TRAPPC12: variants seen among roughly 807,000 people sequenced by gnomAD.
TRAPPC12 encodes TPR repeat protein 15.
Under a neutral mutation model 69.2 loss-of-function variants are expected in TRAPPC12, and 61 were observed. That is an observed-to-expected ratio of 0.88 (90% CI 0.72 to 1.09). The LOEUF (loss-of-function observed/expected upper bound fraction) is 1.09. TRAPPC12 is among the 50% of genes least tolerant of loss of function. TRAPPC12 has a pLI of 0.00. For missense variants in TRAPPC12, 1,101 were observed against 1,016.4 expected, an observed-to-expected ratio of 1.08 and a Z score of -1.13; for synonymous variants, 469 against 438.9, an observed-to-expected ratio of 1.07 and a Z score of -0.86.
At position 3,457,711 on chromosome 2, in the gene TRAPPC12, T is replaced by G; in HGVS notation, c.1603+18T>G. 6 of 1,608,100 alleles carry G rather than the reference T, an allele frequency of 3.7e-6. No individual in the cohort carries two copies. The highest frequency in any genetic ancestry group is 5.1e-6 in the Non-Finnish European group (6 of 1,179,884). ...CAGACAAGGTGGGTCGGCCGGACTTTGCTGACTAGATGCTTCTCGGACATC... is the reference window on the plus strand; with the variant it reads ...CAGACAAGGTGGGTCGGCCGGACTTGGCTGACTAGATGCTTCTCGGACATC... On this transcript the variant is annotated intron_variant, in intron 7 of 11. Transcript: ENST00000324266.
chr2:3,400,827 T>C (rs76661877), intron 2 of TRAPPC12, among the ~76,000 whole-genome samples: 1,986 of 152,326 alleles, frequency 0.013, 25 homozygotes, highest in Middle Eastern at 0.068. Flanking sequence ...CCGAGGGTCA[T>C]GAAGGCTGGC....
Position 3,464,421 on chromosome 2 carries a change from T to C in TRAPPC12, c.1678-1176T>C, listed in dbSNP as rs138199871. Among the ~76,000 whole-genome samples the C allele has an allele frequency of 4.9e-3, 748 of 152,344 alleles. 5 individuals are homozygous for C. The highest frequency in any genetic ancestry group is 0.017 in the African/African-American group (720 of 41,580). On this transcript the variant is annotated intron_variant, in intron 8 of 11. Coordinates refer to ENST00000324266, the MANE Select transcript of TRAPPC12 (RefSeq NM_016030.6). Reference sequence around the variant, plus strand: ...AACTGGAATTGTACTTGTCTGTCTTTCTTTGTAACATCCCAATTAGCAAGC... The same window carrying C: ...AACTGGAATTGTACTTGTCTGTCTTCCTTTGTAACATCCCAATTAGCAAGC...
At chr2:3,457,518 T>G (rs937866453) in intron 6 of TRAPPC12, 103 bp from the exon 7 acceptor site, 6 of 849,396 alleles carry the variant, frequency 7.1e-6, no homozygotes, top group Non-Finnish European at 1.2e-5. Context: ...TGACAAATTG[T>G]TTTCATCCAG....
At chr2:3,474,438 T>C (rs1054011411) in intron 9 of TRAPPC12, among the ~76,000 whole-genome samples, 1 of 152,186 alleles carries the variant, frequency 6.6e-6, no homozygotes, top group African/African-American at 2.4e-5. Flanking sequence ...TCATCTCCTT[T>C]GGCAACACCC....
chr2:3,421,566 A>T, intron 3 of TRAPPC12: 2 of 556,648 alleles, frequency 3.6e-6, no homozygotes, highest in Non-Finnish European at 6.9e-6. Flanking sequence ...ATAGATTGAG[A>T]GATGTGCGGA....
At chr2:3,466,388 C>T (rs149132262) in intron 9 of TRAPPC12, 2 of 471,138 alleles carry the variant, frequency 4.2e-6, no homozygotes, top group South Asian at 1.5e-5. Flanking sequence ...CAGGCACCCA[C>T]TCACGGTGAG....
Position 3,479,490 on chromosome 2 carries a change from C to T in TRAPPC12, c.*29C>T. 2 of 1,608,384 alleles carry T rather than the reference C, an allele frequency of 1.2e-6. No individual in the cohort carries two copies. The highest frequency in any genetic ancestry group is 1.7e-6 in the Non-Finnish European group (2 of 1,176,980). ...CCTCCAACACACTACGTCAGAAGGACCCGGGTCTTTGAAACTGTGTCTTGA... is the reference window on the plus strand; with the variant it reads ...CCTCCAACACACTACGTCAGAAGGATCCGGGTCTTTGAAACTGTGTCTTGA... On this transcript the variant is annotated 3_prime_UTR_variant, in exon 12 of 12. Coordinates refer to ENST00000324266, the MANE Select transcript of TRAPPC12 (RefSeq NM_016030.6).
At chr2:3,397,910 A>G (rs561031051) in intron 2 of TRAPPC12, among the ~76,000 whole-genome samples, 198 of 152,244 alleles carry the variant, frequency 1.3e-3, no homozygotes, top group African/African-American at 4.5e-3. Context: ...TCCTCCTGCA[A>G]TGTGGTCCAA....
chr2:3,433,483 C>T (rs796133986), intron 5 of TRAPPC12, among the ~76,000 whole-genome samples: 22 of 152,302 alleles, frequency 1.4e-4, no homozygotes, highest in African/African-American at 5.1e-4. Flanking sequence ...TGGGCCCTCC[C>T]GCCCTAGTTT....
At chr2:3,459,186 G>T (rs1362811106) in intron 7 of TRAPPC12, among the ~76,000 whole-genome samples, 1 of 152,214 alleles carries the variant, frequency 6.6e-6, no homozygotes, top group African/African-American at 2.4e-5. Flanking sequence ...GGCTCCCAGT[G>T]CCCAGCGATG....
At chr2:3,439,162 C>T (rs1040286350) in intron 5 of TRAPPC12, among the ~76,000 whole-genome samples, 1 of 152,094 alleles carries the variant, frequency 6.6e-6, no homozygotes, top group East Asian at 1.9e-4. Context: ...GTAGTGTTAC[C>T]TCATTGTTTT....
At chr2:3,470,357 G>A (rs183463637) in intron 9 of TRAPPC12, among the ~76,000 whole-genome samples, 3 of 152,384 alleles carry the variant, frequency 2.0e-5, no homozygotes, top group Admixed American at 6.5e-5. Context: ...CCAGGCCAGC[G>A]TCCCAGGGCG....
chr2:3,452,017 C>T (rs980714953), intron 6 of TRAPPC12, among the ~76,000 whole-genome samples: 1 of 152,194 alleles, frequency 6.6e-6, no homozygotes, highest in Non-Finnish European at 1.5e-5. Context: ...GGATGTATGA[C>T]CTTCCTATTT....
In TRAPPC12 at chr2:3,412,300, C is replaced by T. The variant is rs556843245; in HGVS notation, c.1165-9581C>T. 2.6e-5 allele frequency among the ~76,000 whole-genome samples: 4 copies of T among 152,294 alleles called. No homozygotes were observed. In the East Asian group the frequency reaches 7.7e-4, roughly 29 times the overall value. On this transcript the variant is annotated intron_variant, in intron 3 of 11. Transcript: ENST00000324266. Reference sequence around the variant, plus strand: ...TTGAGGCTGGACATGGTGGCTCACACCTTTAATCCCAGCACTTTGGGAGGC... The same window carrying T: ...TTGAGGCTGGACATGGTGGCTCACATCTTTAATCCCAGCACTTTGGGAGGC...
chr2:3,448,824 A>C (rs1446796262), intron 6 of TRAPPC12, among the ~76,000 whole-genome samples: 1 of 151,212 alleles, frequency 6.6e-6, no homozygotes, highest in Non-Finnish European at 1.5e-5. Flanking sequence ...GCTCCTGGTA[A>C]GGGAGCAGAG....
intron 8 of TRAPPC12, among the ~76,000 whole-genome samples, chr2:3,463,783 A>G (rs1572200155): frequency 6.6e-6 from 1 of 152,104 alleles, no homozygotes; most frequent in Non-Finnish European, 1.5e-5. Flanking sequence ...GCTGATAACA[A>G]GAAAGTCAAA....
chr2:3,425,036 T>G (rs1663023645), intron 5 of TRAPPC12, among the ~76,000 whole-genome samples: 1 of 152,266 alleles, frequency 6.6e-6, no homozygotes, highest in South Asian at 2.1e-4. Flanking sequence ...AACGTGTCCG[T>G]GCATATGGCA....
intron 8 of TRAPPC12, among the ~76,000 whole-genome samples, chr2:3,464,673 GGA>G (rs1665711585): frequency 6.6e-6 from 1 of 152,226 alleles, no homozygotes; most frequent in Non-Finnish European, 1.5e-5. Context: ...CTGTCATCCT[GGA>G]GAGAGCCCGG....
intron 5 of TRAPPC12, among the ~76,000 whole-genome samples, chr2:3,433,432 A>G (rs1275725438): frequency 4.6e-5 from 7 of 152,200 alleles, no homozygotes; most frequent in African/African-American, 1.4e-4. Context: ...TCCAGGCATC[A>G]TGTCACACCT....
Sources: gnomAD v4.1 joint callset for allele counts (sites outside exome capture counted in the v4.1 genomes callset) on GRCh38, gnomAD v4.1.1 for gene constraint, MANE v1.5 for transcripts, NCBI Gene and HGNC (gene_info 2026-07-23, HGNC 2026-07-21) for gene names.